PAICS: variants seen among roughly 807,000 people sequenced by gnomAD.
PAICS encodes phosphoribosylaminoimidazole carboxylase and phosphoribosylaminoimidazolesuccinocarboxamide synthase.
In PAICS, 33 loss-of-function variants were observed where a neutral mutation model predicts 53.7. That is an observed-to-expected ratio of 0.61 (90% CI 0.47 to 0.82). The LOEUF (loss-of-function observed/expected upper bound fraction) is 0.82. Ranked by LOEUF, PAICS falls within the 40% of genes least tolerant of loss-of-function variation. PAICS has a pLI of 0.00. For synonymous variants in PAICS, 141 were observed against 167.2 expected (o/e 0.84, Z 1.21); for missense variants, 394 against 494.1 (o/e 0.80, Z 1.92).
the PAICS span, chr4:56,428,889 G>A: frequency 1.4e-5 from 6 of 427,942 alleles, no homozygotes; most frequent in South Asian, 9.7e-5. Context: ...AACCATTAAT[G>A]TGTTTCAAAT....
At position 56,459,459 on chromosome 4, in the gene PAICS, G is replaced by T; in HGVS notation, c.1199G>T (p.Ser400Ile). The change falls in exon 9 of 9, where the codon AGC becomes ATC. Residue 400 changes from serine (S) to isoleucine (I), a missense_variant. By Grantham distance (142) the Ser-to-Ile change is moderately radical (BLOSUM62 -2). Transcript: ENST00000512576. ...IFGLSNHLVW[S>I]KLRASILNTW... is the part of the protein sequence containing the mutation. ...GGGTTAAGCAACCATTTGGTATGGA[G>T]CAAACTGCGAGCAAGCATTTTGAAC... 3.1e-6 allele frequency: 5 copies of T among 1,607,906 alleles called. No individual in the cohort carries two copies. Among genetic ancestry groups the T allele is most frequent in the Non-Finnish European group, 4.3e-6 (5 of 1,175,350 alleles).
At chr4:56,419,977 G>A in the PAICS span, 6 of 985,110 alleles carry the variant, frequency 6.1e-6, no homozygotes, top group African/African-American at 1.7e-5. Context: ...GAAAAATCAC[G>A]AGACCAGGAA....
intron 7 of PAICS, among the ~76,000 whole-genome samples, chr4:56,452,475 G>A (rs368553378): frequency 4.7e-4 from 72 of 152,222 alleles, no homozygotes; most frequent in African/African-American, 1.6e-3. Flanking sequence ...ACGCCTGGCC[G>A]CTAGGCTTTC....
At chr4:56,445,382 G>C (rs917219338) in intron 2 of PAICS, among the ~76,000 whole-genome samples, 1 of 152,126 alleles carries the variant, frequency 6.6e-6, no homozygotes, top group Admixed American at 6.6e-5. Flanking sequence ...CAGATCACGA[G>C]ATCAGGAGTT....
At chr4:56,427,384 T>C in the PAICS span, among the ~76,000 whole-genome samples, 1 of 152,326 alleles carries the variant, frequency 6.6e-6, no homozygotes, top group Middle Eastern at 3.4e-3. Flanking sequence ...TGGAATTGCT[T>C]GGTCATATGG....
At chr4:56,440,447 A>G (rs1578147464) in intron 1 of PAICS, among the ~76,000 whole-genome samples, 2 of 151,944 alleles carry the variant, frequency 1.3e-5, no homozygotes, top group Non-Finnish European at 2.9e-5. Context: ...CCCCTGTCCA[A>G]CTCTTAAGTC....
intron 2 of PAICS, chr4:56,442,128 G>T: frequency 3.2e-6 from 1 of 310,650 alleles, no homozygotes; most frequent in East Asian, 5.7e-5. Flanking sequence ...ACCTCTCCAA[G>T]GCCATCTTCA....
Position 56,438,171 on chromosome 4 carries a change from T to G in PAICS, c.16+1843T>G, listed in dbSNP as rs368182733. Among the ~76,000 whole-genome samples, 7 of 152,190 alleles carry G rather than the reference T, an allele frequency of 4.6e-5. No homozygotes were observed. In the East Asian group the frequency reaches 9.7e-4, roughly 21 times the overall value. On this transcript the variant is annotated intron_variant, in intron 1 of 8. Coordinates refer to ENST00000512576, the MANE Select transcript of PAICS (RefSeq NM_001079524.2). Reference sequence around the variant, plus strand: ...GCTATCCCTTCTACCTCTTCAGCCCTAACTTTGATTTTTCTCTCCTGTGAA... The same window carrying G: ...GCTATCCCTTCTACCTCTTCAGCCCGAACTTTGATTTTTCTCTCCTGTGAA...
the PAICS span, among the ~76,000 whole-genome samples, chr4:56,426,557 G>T: frequency 3.3e-5 from 5 of 152,060 alleles, no homozygotes; most frequent in Non-Finnish European, 2.9e-5. Context: ...TTTGTGTCTG[G>T]CTTCTTTTGT....
chr4:56,438,462 C>T (rs1005355880), intron 1 of PAICS, among the ~76,000 whole-genome samples: 3 of 148,804 alleles, frequency 2.0e-5, no homozygotes, highest in East Asian at 2.0e-4. Context: ...AATGGAGTCT[C>T]GCTCTGTGTG....
rs1262559122 is a variant in PAICS at position 56,457,531 on chromosome 4, ATCT to A, written c.1112-1833_1112-1831del. 5.9e-5 allele frequency among the ~76,000 whole-genome samples: 9 copies of A among 152,188 alleles called. No individual in the cohort carries two copies. In the East Asian group the frequency reaches 7.7e-4, roughly 13 times the overall value. ...CTTCTTCTTAGACTTCGAGTCAGTCATCTTCTTCTTAGTCCCTATTCCCTTCCA... is the reference window on the plus strand; with the variant it reads ...CTTCTTCTTAGACTTCGAGTCAGTCATCTTCTTAGTCCCTATTCCCTTCCA... On this transcript the variant is annotated intron_variant, in intron 8 of 8. Transcript: ENST00000512576.
chr4:56,419,308 A>G, the PAICS span, among the ~76,000 whole-genome samples: 1 of 152,202 alleles, frequency 6.6e-6, no homozygotes, highest in African/African-American at 2.4e-5. Context: ...TTGAACTTCC[A>G]CTATACACTG....
At chr4:56,429,544 A>T in the PAICS span, among the ~76,000 whole-genome samples, 1 of 152,184 alleles carries the variant, frequency 6.6e-6, no homozygotes, top group Non-Finnish European at 1.5e-5. Context: ...TAAGACTAAT[A>T]AGAAAACCTG....
chr4:56,440,819 C>T (rs911786984), intron 1 of PAICS, among the ~76,000 whole-genome samples: 1 of 152,178 alleles, frequency 6.6e-6, no homozygotes, highest in African/African-American at 2.4e-5. Flanking sequence ...CACATGGATA[C>T]ACCGGGAAAA....
chr4:56,427,482 T>C, the PAICS span, among the ~76,000 whole-genome samples: 1 of 152,060 alleles, frequency 6.6e-6, no homozygotes, highest in African/African-American at 2.4e-5. Context: ...AAAAATTATA[T>C]CCAACAAGAG....
In PAICS at chr4:56,452,046, T is replaced by C. The variant is rs1471492576; in HGVS notation, c.946T>C (p.Tyr316His). ...TGAAACTCTGAGGATTAAAGCTGAGTATGAAGGTAAACCACAAGTAATATG... is the reference window on the plus strand; with the variant it reads ...TGAAACTCTGAGGATTAAAGCTGAGCATGAAGGTAAACCACAAGTAATATG... ...PDETLRIKAEYEGDGIPTVFV... is the reference protein window; with the variant it reads ...PDETLRIKAEHEGDGIPTVFV... The change falls in exon 7 of 9, where the codon TAT becomes CAT. Residue 316 changes from tyrosine to histidine, a missense_variant. This residue lies in a region of PAICS where 131 missense variants were observed against 205.5 expected (regional missense o/e 0.64). Coordinates refer to ENST00000512576, the MANE Select transcript of PAICS (RefSeq NM_001079524.2). The C allele has an allele frequency of 6.3e-7, 1 of 1,596,682 alleles. No individual in the cohort carries two copies. The highest frequency in any genetic ancestry group is 8.6e-7 in the Non-Finnish European group (1 of 1,168,992).
chr4:56,438,426 TTTTG>T (rs1254887147), intron 1 of PAICS, among the ~76,000 whole-genome samples: 2 of 148,638 alleles, frequency 1.3e-5, no homozygotes, highest in African/African-American at 2.5e-5. Flanking sequence ...TGTTGTTGTT[TTTTG>T]TTTGTTTTGC....
At chr4:56,429,179 G>A in the PAICS span, among the ~76,000 whole-genome samples, 1 of 152,172 alleles carries the variant, frequency 6.6e-6, no homozygotes, top group Admixed American at 6.5e-5. Flanking sequence ...CTCACTGAGT[G>A]AAAGTTCCTG....
the PAICS span, among the ~76,000 whole-genome samples, chr4:56,430,447 C>T: frequency 1.3e-5 from 2 of 152,126 alleles, no homozygotes; most frequent in African/African-American, 4.8e-5. Context: ...GCAGGGACCA[C>T]ATCTGCCCTG....
Sources: allele counts gnomAD v4.1 joint callset (sites outside exome capture counted in the v4.1 genomes callset), GRCh38; gene constraint gnomAD v4.1.1; regional missense constraint gnomAD v4.1.1; transcripts MANE v1.5; gene names NCBI Gene and HGNC (gene_info 2026-07-23, HGNC 2026-07-21).